Variants in NLRP14 observed in about 807,000 individuals in gnomAD.
The protein encoded by NLRP14 is NACHT, LRR and PYD domains-containing protein 14.
In NLRP14, 105 loss-of-function variants were observed where a neutral mutation model predicts 94.7. The observed-to-expected ratio is 1.11, with a 90% CI of 0.95 to 1.30. NLRP14 has a LOEUF of 1.30. NLRP14 is among the 50% of genes most tolerant of loss of function. The pLI is 0.00. For synonymous variants in NLRP14, 508 were observed against 459.9 expected, an observed-to-expected ratio of 1.10 and a Z score of -1.34; for missense variants, 1,362 against 1,254.1, an observed-to-expected ratio of 1.09 and a Z score of -1.30.
At chr11:7,045,721 CT>C (rs1419194994) in intron 4 of NLRP14, among the ~76,000 whole-genome samples, 1 of 151,662 alleles carries the variant, frequency 6.6e-6, no homozygotes, top group Admixed American at 6.6e-5. Context: ...ACACACTAGA[CT>C]TTTACATGTT....
chr11:7,035,233 A>C (rs954203228), intron 1 of NLRP14, among the ~76,000 whole-genome samples: 1 of 152,168 alleles, frequency 6.6e-6, no homozygotes, highest in African/African-American at 2.4e-5. Context: ...AGCCATGAGA[A>C]TCGCTTGAAC....
At chr11:7,089,927 C>T in the NLRP14 span, 7 of 1,612,890 alleles carry the variant, frequency 4.3e-6, no homozygotes, top group Admixed American at 5.0e-5. Context: ...GCGACCGTGA[C>T]TACGGGGATC....
At chr11:7,046,282 C>T (rs1852347963) in intron 4 of NLRP14, among the ~76,000 whole-genome samples, 1 of 152,038 alleles carries the variant, frequency 6.6e-6, no homozygotes, top group African/African-American at 2.4e-5. Context: ...TAATCTATAC[C>T]ACTTTACACC....
At chr11:7,057,879 C>T (rs1565023452) in intron 7 of NLRP14, 32 bp downstream of exon 7, 1 of 1,583,710 alleles carries the variant, frequency 6.3e-7, no homozygotes, top group Admixed American at 1.7e-5. Flanking sequence ...TCTGTAGAGT[C>T]ATTTTGCTTG....
At chr11:7,076,686 C>G in the NLRP14 span, among the ~76,000 whole-genome samples, 3 of 149,156 alleles carry the variant, frequency 2.0e-5, no homozygotes, top group South Asian at 2.1e-4. Context: ...CACCGTGTTT[C>G]TTTTTTTTTT....
chr11:7,075,421 G>C (rs1339744071), downstream of NLRP14, among the ~76,000 whole-genome samples: 2 of 152,142 alleles, frequency 1.3e-5, no homozygotes, highest in Non-Finnish European at 2.9e-5. Flanking sequence ...GGATGATGCA[G>C]AAAAACCAAT....
At chr11:7,082,660 C>T in the NLRP14 span, among the ~76,000 whole-genome samples, 1 of 152,096 alleles carries the variant, frequency 6.6e-6, no homozygotes, top group Admixed American at 6.6e-5. Flanking sequence ...TTGCATTATC[C>T]TCATCTACTA....
chr11:7,027,029 A>G (rs1384790309), intron 1 of NLRP14, among the ~76,000 whole-genome samples: 1 of 152,010 alleles, frequency 6.6e-6, no homozygotes, highest in African/African-American at 2.4e-5. Context: ...CAATGCATTC[A>G]CACACCTACC....
Position 7,038,808 on chromosome 11 carries a change from GTC to G in NLRP14, c.227_228del (p.Leu76GlnfsTer13), listed in dbSNP as rs1397702518. On this transcript the variant is annotated frameshift_variant, in exon 2 of 12. Coordinates refer to ENST00000299481, the MANE Select transcript of NLRP14 (RefSeq NM_176822.4). LOFTEE classifies it high-confidence loss of function. ...YYPGEKAWSVSLKIFGKMNLK... is the reference protein window; with the variant it reads ...YYPGEKAWSVXLKIFGKMNLK... ...ATCCAGGAGAGAAAGCCTGGAGTGTGTCTCTCAAAATCTTTGGCAAGATGAAC... is the reference window on the plus strand; with the variant it reads ...ATCCAGGAGAGAAAGCCTGGAGTGTGTCTCAAAATCTTTGGCAAGATGAAC... 2 of 1,612,888 alleles carry G rather than the reference GTC, an allele frequency of 1.2e-6. No individual in the cohort carries two copies. The highest frequency in any genetic ancestry group is 1.7e-6 in the Non-Finnish European group (2 of 1,179,716).
At position 7,044,135 on chromosome 11, in the gene NLRP14, C is replaced by T. The variant is rs549014756; in HGVS notation, c.1958+151C>T. 4.4e-4 allele frequency: 356 copies of T among 802,630 alleles called. 1 individual carries two copies. Among genetic ancestry groups the T allele is most frequent in the Non-Finnish European group, 6.7e-4 (335 of 500,260 alleles). The allele number at this position is 802,630 out of a possible 1,614,324, so 49.7% of individuals were successfully genotyped here. On this transcript the variant is annotated intron_variant, in intron 4 of 11. Transcript: ENST00000299481. ...GAGGCAGGGAGGCTAAGCATTTAAA[C>T]CCCTTATTGACCAATCATGGCTACT... is the stretch of plus-strand genomic sequence containing the variant.
At chr11:7,042,310 T>C (rs1852264494) in intron 3 of NLRP14, 78 bp from the exon 4 acceptor site, 15 of 1,214,626 alleles carry the variant, frequency 1.2e-5, no homozygotes, top group Non-Finnish European at 1.6e-5. Context: ...TTCGGTATTC[T>C]TGACATTACA....
chr11:7,024,753 AT>A (rs1181909071), intron 1 of NLRP14, among the ~76,000 whole-genome samples: 1 of 145,888 alleles, frequency 6.9e-6, no homozygotes, highest in Admixed American at 7.0e-5. Context: ...TGGAAAAAAT[AT>A]GTGAGTAAAA....
chr11:7,067,642 C>G (rs1404319195), intron 10 of NLRP14, among the ~76,000 whole-genome samples: 1 of 152,262 alleles, frequency 6.6e-6, no homozygotes, highest in East Asian at 1.9e-4. Context: ...ATCAACCTTG[C>G]ATTTTTTGGA....
chr11:7,057,919 G>C, intron 7 of NLRP14, 72 bp downstream of exon 7: 1 of 1,291,466 alleles, frequency 7.7e-7, no homozygotes, highest in Admixed American at 1.7e-5. Context: ...TGATCTGATA[G>C]GGAAACTTCT....
rs191079168 is a variant in NLRP14 at position 7,024,650 on chromosome 11, T to C, written c.-22+3880T>C. 2.5e-3 allele frequency among the ~76,000 whole-genome samples: 374 copies of C among 152,338 alleles called. 3 individuals are homozygous for C. The highest frequency in any genetic ancestry group is 8.8e-3 in the African/African-American group (366 of 41,582). ...TGTGTCCATATCTGTCACAAATCTT[T>C]CATGAGTGTGTGTGTGTGCATGCAT... On this transcript the variant is annotated intron_variant, in intron 1 of 11. Coordinates refer to ENST00000299481, the MANE Select transcript of NLRP14 (RefSeq NM_176822.4).
intron 1 of NLRP14, among the ~76,000 whole-genome samples, 179 bp from the exon 2 acceptor site, chr11:7,038,387 G>A (rs1852191269): frequency 6.6e-6 from 1 of 152,188 alleles, no homozygotes; most frequent in African/African-American, 2.4e-5. Flanking sequence ...TATATCAGAG[G>A]AATGCTTTGT....
chr11:7,090,133 G>A, the NLRP14 span: 1 of 1,613,124 alleles, frequency 6.2e-7, no homozygotes, highest in Non-Finnish European at 8.5e-7. Context: ...CGCTACTCGA[G>A]GGGCCGACAC....
chr11:7,047,575 G>C (rs890788309), intron 5 of NLRP14, among the ~76,000 whole-genome samples: 1 of 151,870 alleles, frequency 6.6e-6, no homozygotes. Flanking sequence ...TAAAGTGCTG[G>C]GATTACAGGC....
rs373865085 is a variant in NLRP14, at chr11:7,043,644, C to A, written c.1618C>A (p.Arg540=). The stretch of plus-strand genomic sequence containing the variant: ...TTTGTTTGGCCTTTTGAATGAAGAT[C>A]GAGTAAAACAACTGGAGAGGACTTT... ...CFLFGLLNED[R]VKQLERTFNC... Residue 540 remains arginine, a synonymous_variant, in exon 4 of 12, where the codon CGA becomes AGA. Transcript: ENST00000299481. The A allele has an allele frequency of 3.1e-6, 5 of 1,613,876 alleles. No individual in the cohort carries two copies. The African/African-American group carries it at 6.7e-5, about 22-fold the overall frequency.
Sources: allele counts gnomAD v4.1 joint callset (sites outside exome capture counted in the v4.1 genomes callset), GRCh38; gene constraint gnomAD v4.1.1; transcripts MANE v1.5; gene names NCBI Gene and HGNC (gene_info 2026-07-23, HGNC 2026-07-21).